Variants in NUDT21 observed in about 807,000 individuals in gnomAD.
NUDT21 encodes cleavage and polyadenylation specificity factor subunit 5.
Under a neutral mutation model 29.8 loss-of-function variants are expected in NUDT21, and 5 were observed. The ratio of observed to expected loss-of-function variants is 0.17; its 90% CI spans 0.09 to 0.35. NUDT21 has a LOEUF of 0.35. Ranked by LOEUF, NUDT21 falls within the 10% of genes least tolerant of loss-of-function variation. NUDT21 has a pLI of 1.00. For missense variants in NUDT21, 76 were observed against 276.0 expected, an observed-to-expected ratio of 0.28 and a Z score of 5.13; for synonymous variants, 113 against 98.5, an observed-to-expected ratio of 1.15 and a Z score of -0.87.
Position 56,434,457 on chromosome 16 carries a change from C to G in NUDT21, c.548-12G>C, listed in dbSNP as rs758214482. On this transcript the variant is annotated splice_polypyrimidine_tract_variant and intron_variant, in intron 5 of 6. Transcript: ENST00000300291. ...GACTGCAAACAAGGCTAAAATAAAA[C>G]AGAATTCATTATTATAAGTTATTAT... 6.9e-7 allele frequency: 1 copy of G among 1,452,542 alleles called. No homozygotes were observed. The highest frequency in any genetic ancestry group is 9.7e-7 in the Non-Finnish European group (1 of 1,034,866). The allele number at this position is 1,452,542 out of a possible 1,614,324, so 90.0% of individuals were successfully genotyped here.
At position 56,430,687 on chromosome 16, in the gene NUDT21, A is replaced by G. The variant is rs1962023991; in HGVS notation, c.*2025T>C. 1 of 152,204 alleles carries G rather than the reference A, an allele frequency of 6.6e-6. No individual in the cohort carries two copies. The highest frequency in any genetic ancestry group is 2.4e-5 in the African/African-American group (1 of 41,452). The allele number at this position is 152,204 out of a possible 1,614,324, so 9.4% of individuals were successfully genotyped here. On this transcript the variant is annotated 3_prime_UTR_variant, in exon 7 of 7. Coordinates refer to ENST00000300291, the MANE Select transcript of NUDT21 (RefSeq NM_007006.3). ...ATTTCCATCAGAAAACCAAAAACAG[A>G]TTATTGGGGATCCACCTGTAACTGA...
intron 4 of NUDT21, among the ~76,000 whole-genome samples, chr16:56,435,796 T>G (rs1962098193): frequency 9.8e-6 from 1 of 102,232 alleles, no homozygotes; most frequent in South Asian, 3.4e-4. Flanking sequence ...ATCAGTAAGT[T>G]AAACAGTCTA....
At chr16:56,445,873 T>C (rs1962212562) in intron 3 of NUDT21, among the ~76,000 whole-genome samples, 1 of 152,240 alleles carries the variant, frequency 6.6e-6, no homozygotes, top group South Asian at 2.1e-4. Flanking sequence ...TTAAGAGTTA[T>C]AATACATTTT....
chr16:56,435,763 ATATATATATATATATATATATG>A (rs1473111652), intron 4 of NUDT21, among the ~76,000 whole-genome samples: 2 of 91,452 alleles, frequency 2.2e-5, no homozygotes, highest in Non-Finnish European at 4.5e-5. Flanking sequence ...ATATATATAT[ATATATATATATATATATATATG>A]ATCAGTAAGT....
intron 2 of NUDT21, chr16:56,447,558 C>G (rs1172114344): frequency 2.4e-5 from 12 of 503,758 alleles, no homozygotes; most frequent in Non-Finnish European, 4.3e-5. Context: ...GGGTTTCTAC[C>G]AAGCTCAATC....
intron 1 of NUDT21, 44 bp downstream of exon 1, chr16:56,451,043 A>G (rs747758355): frequency 1.3e-6 from 2 of 1,534,322 alleles, no homozygotes; most frequent in South Asian, 2.2e-5. Flanking sequence ...AGTCTATAGG[A>G]GCTTTCACGA....
At chr16:56,445,962 T>C (rs1406541753) in intron 3 of NUDT21, among the ~76,000 whole-genome samples, 3 of 152,236 alleles carry the variant, frequency 2.0e-5, no homozygotes, top group African/African-American at 4.8e-5. Context: ...CTCCTTTGCT[T>C]TTCTGTGTTT....
intron 4 of NUDT21, among the ~76,000 whole-genome samples, chr16:56,437,171 C>A (rs1415357980): frequency 1.3e-5 from 2 of 152,166 alleles, no homozygotes; most frequent in African/African-American, 4.8e-5. Context: ...CTTCTTGTCC[C>A]TCTGCCATAC....
intron 3 of NUDT21, among the ~76,000 whole-genome samples, chr16:56,443,199 C>T (rs1220310718): frequency 4.0e-5 from 6 of 149,364 alleles, no homozygotes; most frequent in Admixed American, 2.0e-4. Context: ...TTTTTTGAGA[C>T]GAAGTCTTGC....
At chr16:56,434,916 T>G in intron 4 of NUDT21, 87 bp from the exon 5 acceptor site, 1 of 789,472 alleles carries the variant, frequency 1.3e-6, no homozygotes, top group South Asian at 1.6e-5. Context: ...TATAAACTGT[T>G]GGGAGAAGCA....
chr16:56,440,748 AT>A (rs1166747833), intron 3 of NUDT21, among the ~76,000 whole-genome samples: 2 of 151,664 alleles, frequency 1.3e-5, no homozygotes, highest in Non-Finnish European at 2.9e-5. Context: ...CAAAAAAAAA[AT>A]TTTTTTTTGA....
chr16:56,446,763 T>C, intron 2 of NUDT21, 74 bp from the exon 3 acceptor site: 4 of 901,752 alleles, frequency 4.4e-6, no homozygotes, highest in Middle Eastern at 5.3e-4. Flanking sequence ...ATAATTGTTA[T>C]TTCTACCAAG....
intron 3 of NUDT21, among the ~76,000 whole-genome samples, chr16:56,445,323 T>C (rs1438298062): frequency 1.3e-5 from 2 of 152,268 alleles, no homozygotes; most frequent in African/African-American, 4.8e-5. Context: ...TTTAATTTTT[T>C]TGAGTACACA....
In NUDT21 at chr16:56,435,762, TATATATATATATATATA is replaced by T. The variant is rs1419168942; in HGVS notation, c.472-950_472-934del. 1.2e-3 allele frequency among the ~76,000 whole-genome samples: 100 copies of T among 86,650 alleles called. 6 individuals carry two copies. Among genetic ancestry groups the T allele is most frequent in the African/African-American group, 3.6e-3 (89 of 24,428 alleles). 56.8% of individuals were successfully genotyped at this position (86,650 alleles called of 152,430 possible). A position where few individuals can be genotyped will look rare whatever the true frequency, so the allele number is the denominator to read the frequency against. On this transcript the variant is annotated intron_variant, in intron 4 of 6. Coordinates refer to ENST00000300291, the MANE Select transcript of NUDT21 (RefSeq NM_007006.3). ...AAAAAATTATATATATATATATATA[TATATATATATATATATA>T]TATATGATCAGTAAGTTAAACAGTC...
At position 56,429,522 on chromosome 16, in the gene NUDT21, T is replaced by C. The variant is rs1286269407; in HGVS notation, c.*3190A>G. On this transcript the variant is annotated 3_prime_UTR_variant, in exon 7 of 7. Coordinates refer to ENST00000300291, the MANE Select transcript of NUDT21 (RefSeq NM_007006.3). ...TCCACAAAAACAAGCTTAATAACTATAATACAAGCTAATATTAAAATGTGT... is the reference window on the plus strand; with the variant it reads ...TCCACAAAAACAAGCTTAATAACTACAATACAAGCTAATATTAAAATGTGT... 1 of 152,212 alleles carries C rather than the reference T, an allele frequency of 6.6e-6. No homozygotes were observed. Among genetic ancestry groups the C allele is most frequent in the Admixed American group, 6.5e-5 (1 of 15,270 alleles). 9.4% of individuals were successfully genotyped at this position (152,212 alleles called of 1,614,324 possible). A position where few individuals can be genotyped will look rare whatever the true frequency, so the allele number is the denominator to read the frequency against.
In NUDT21 at chr16:56,444,625, A is replaced by C. The variant is rs370643313; in HGVS notation, c.381+2001T>G. On this transcript the variant is annotated intron_variant, in intron 3 of 6. Transcript: ENST00000300291. ...CAAAAAAAAAAAAACAAAAACAAAA[A>C]AAAAAAAAAACAAGCCTAATTGTTA... 2.7e-3 allele frequency among the ~76,000 whole-genome samples: 416 copies of C among 151,774 alleles called. 2 individuals carry two copies. The highest frequency in any genetic ancestry group is 8.4e-3 in the African/African-American group (348 of 41,414).
Position 56,447,932 on chromosome 16 carries a change from G to A in NUDT21, c.174C>T (p.Ser58=), listed in dbSNP as rs771558285. The A allele has an allele frequency of 6.2e-7, 1 of 1,614,136 alleles. No homozygotes were observed. The highest frequency in any genetic ancestry group is 1.1e-5 in the South Asian group (1 of 91,078). ...TGCGCTGAAATCTGGCTGCAACAGA[G>A]CTGTCCTTCTCGTAGAGGGGCTCTT... The part of the protein sequence containing the change: ...GTKEPLYEKD[S]SVAARFQRMR... Residue 58 remains serine (S), a synonymous_variant, in exon 2 of 7, where the codon AGC becomes AGT. Transcript: ENST00000300291.
At chr16:56,449,662 C>G (rs1962258125) in intron 1 of NUDT21, among the ~76,000 whole-genome samples, 1 of 152,124 alleles carries the variant, frequency 6.6e-6, no homozygotes. Flanking sequence ...GTAATCAAGA[C>G]AAAACAAGAA....
chr16:56,441,286 G>C (rs1392119832), intron 3 of NUDT21, among the ~76,000 whole-genome samples: 2 of 151,926 alleles, frequency 1.3e-5, no homozygotes, highest in Admixed American at 6.6e-5. Context: ...GCCCAGGCTG[G>C]AGTGCAGTGC....
Sources: allele counts gnomAD v4.1 joint callset (sites outside exome capture counted in the v4.1 genomes callset), GRCh38; gene constraint gnomAD v4.1.1; transcripts MANE v1.5; gene names NCBI Gene and HGNC (gene_info 2026-07-23, HGNC 2026-07-21).